Variants in LYRM7 observed in about 807,000 individuals in gnomAD.
The protein encoded by LYRM7 is LYR motif containing 7, also known as complex III assembly factor LYRM7.
In LYRM7, 9 loss-of-function variants were observed where a neutral mutation model predicts 15.8. The ratio of observed to expected loss-of-function variants is 0.57; its 90% CI spans 0.34 to 0.99. The LOEUF (loss-of-function observed/expected upper bound fraction) is 0.99, where lower values mean the gene tolerates loss of function less well. LYRM7 is among the 50% of genes least tolerant of loss of function. LYRM7 has a pLI of 0.02. For missense variants in LYRM7, 115 were observed against 119.1 expected (o/e 0.97, Z 0.16); for synonymous variants, 39 against 39.4 (o/e 0.99, Z 0.04).
At chr5:131,191,615 C>T (rs1158384879) in intron 4 of LYRM7, among the ~76,000 whole-genome samples, 1 of 151,906 alleles carries the variant, frequency 6.6e-6, no homozygotes, top group Non-Finnish European at 1.5e-5. Context: ...TAAAAGGAGA[C>T]ACACAAATGG....
In LYRM7 at chr5:131,182,265, A is replaced by G; in HGVS notation, c.128A>G (p.Asn43Ser). The change falls in exon 3 of 5, where the codon AAT becomes AGT. Residue 43 changes from asparagine (N) to serine (S), a missense_variant. Asn to Ser is a conservative substitution (Grantham distance 46). Transcript: ENST00000379380. ...AAGATAAATGAAGAATTCAAAAATA[A>G]TAAAAGTGAAACTTCTTCTAAGAAA... is the stretch of plus-strand genomic sequence containing the variant. The part of the protein sequence containing the change: ...RIKINEEFKN[N>S]KSETSSKKIE... 1 of 1,436,786 alleles carries G rather than the reference A, an allele frequency of 7.0e-7. No individual in the cohort carries two copies. Among genetic ancestry groups the G allele is most frequent in the Middle Eastern group, 1.8e-4 (1 of 5,456 alleles). The allele number at this position is 1,436,786 out of a possible 1,614,324, so 89.0% of individuals were successfully genotyped here. A position where few individuals can be genotyped will look rare whatever the true frequency, so the allele number is the denominator to read the frequency against.
At chr5:131,187,570 C>T (rs1459624792) in intron 4 of LYRM7, among the ~76,000 whole-genome samples, 2 of 151,816 alleles carry the variant, frequency 1.3e-5, no homozygotes, top group Non-Finnish European at 2.9e-5. Context: ...CTGCAACCTC[C>T]ACCTCCTGGG....
At chr5:131,194,171 A>G (rs992853919) in intron 4 of LYRM7, among the ~76,000 whole-genome samples, 3 of 152,228 alleles carry the variant, frequency 2.0e-5, no homozygotes, top group African/African-American at 7.2e-5. Flanking sequence ...AGTACTCAGT[A>G]TCTAATGTGG....
intron 2 of LYRM7, among the ~76,000 whole-genome samples, chr5:131,181,355 ATATAT>A: frequency 2.2e-5 from 1 of 45,314 alleles, no homozygotes; most frequent in African/African-American, 9.1e-5. Flanking sequence ...TATGTTATAT[ATATAT>A]TAACATATAT....
At chr5:131,182,909 C>T (rs889949423) in intron 3 of LYRM7, among the ~76,000 whole-genome samples, 1 of 151,964 alleles carries the variant, frequency 6.6e-6, no homozygotes, top group Non-Finnish European at 1.5e-5. Flanking sequence ...CCTCAGCTTC[C>T]TATGTCTAAC....
chr5:131,198,715 C>A (rs981606472), intron 4 of LYRM7, among the ~76,000 whole-genome samples: 1 of 151,426 alleles, frequency 6.6e-6, no homozygotes, highest in East Asian at 1.9e-4. Context: ...TACAGGCATG[C>A]ACCACCACAC....
intron 4 of LYRM7, among the ~76,000 whole-genome samples, chr5:131,189,672 G>T (rs1437274895): frequency 2.0e-5 from 3 of 151,968 alleles, no homozygotes; most frequent in African/African-American, 7.3e-5. Context: ...CTATATATGT[G>T]TGCATCTGTT....
At position 131,174,705 on chromosome 5, in the gene LYRM7, T is replaced by C. The variant is rs555596362; in HGVS notation, c.18+3667T>C. ...ACAAAAAGTACAAAAATTAGCTCAA[T>C]GTGTGGCATGCGCCTGTGCTCCCAG... On this transcript the variant is annotated intron_variant, in intron 1 of 4. Coordinates refer to ENST00000379380, the MANE Select transcript of LYRM7 (RefSeq NM_181705.4). 3.3e-5 allele frequency among the ~76,000 whole-genome samples: 5 copies of C among 152,052 alleles called. No individual in the cohort carries two copies. The East Asian group carries it at 9.7e-4, about 29-fold the overall frequency.
intron 1 of LYRM7, chr5:131,171,578 C>T (rs1401650938): frequency 6.6e-6 from 1 of 152,286 alleles, no homozygotes; most frequent in Non-Finnish European, 1.5e-5. Flanking sequence ...GATGGCTGTG[C>T]TCGGATTATA....
chr5:131,181,062 A>G, intron 2 of LYRM7, among the ~76,000 whole-genome samples: 1 of 151,056 alleles, frequency 6.6e-6, no homozygotes, highest in Non-Finnish European at 1.5e-5. Context: ...AGGCAGAGGC[A>G]GGCAAATTAC....
At chr5:131,174,570 A>G (rs1384595974) in intron 1 of LYRM7, among the ~76,000 whole-genome samples, 1 of 152,142 alleles carries the variant, frequency 6.6e-6, no homozygotes, top group African/African-American at 2.4e-5. Flanking sequence ...AATAAGACTT[A>G]GAAGTCTGGC....
At chr5:131,183,823 A>G (rs1755749718) in intron 3 of LYRM7, among the ~76,000 whole-genome samples, 1 of 152,134 alleles carries the variant, frequency 6.6e-6, no homozygotes, top group East Asian at 1.9e-4. Context: ...AGAAATGTAA[A>G]CTGAGAATTT....
At chr5:131,180,382 CA>C (rs60823900) in intron 2 of LYRM7, among the ~76,000 whole-genome samples, 4 of 149,408 alleles carry the variant, frequency 2.7e-5, no homozygotes, top group South Asian at 2.1e-4. Context: ...AAGAGTTGGT[CA>C]AAAAAAAAGG....
chr5:131,172,619 T>C (rs950604978), intron 1 of LYRM7, among the ~76,000 whole-genome samples: 1 of 152,122 alleles, frequency 6.6e-6, no homozygotes, highest in African/African-American at 2.4e-5. Flanking sequence ...GAGCCTACAA[T>C]ATATAGAAGG....
At chr5:131,193,619 C>G (rs1316948273) in intron 4 of LYRM7, among the ~76,000 whole-genome samples, 2 of 152,172 alleles carry the variant, frequency 1.3e-5, no homozygotes, top group African/African-American at 4.8e-5. Flanking sequence ...GATTGTCACA[C>G]TATTATAAAC....
intron 4 of LYRM7, among the ~76,000 whole-genome samples, chr5:131,191,497 C>T (rs1319057389): frequency 1.3e-5 from 2 of 152,096 alleles, no homozygotes; most frequent in Non-Finnish European, 2.9e-5. Context: ...TTCTTCCATT[C>T]AAATAATATC....
rs774991890 is a variant in LYRM7, at chr5:131,171,002, G to T, written c.-19G>T. On this transcript the variant is annotated 5_prime_UTR_variant, in exon 1 of 5. Transcript: ENST00000379380. ...GCTACTCGACTGCTCTGGAGGTAGC[G>T]GCCGCGGTGAGGAGAGCCATGGGAC... The T allele has an allele frequency of 3.2e-6, 5 of 1,544,842 alleles. No homozygotes were observed. Among genetic ancestry groups the T allele is most frequent in the Admixed American group, 2.1e-5 (1 of 46,726 alleles).
At chr5:131,193,253 C>T (rs1418581468) in intron 4 of LYRM7, among the ~76,000 whole-genome samples, 1 of 152,154 alleles carries the variant, frequency 6.6e-6, no homozygotes, top group Non-Finnish European at 1.5e-5. Flanking sequence ...AACATTGAAT[C>T]GCTGTTATGC....
In LYRM7 at chr5:131,199,386, A is replaced by C. The variant is rs1426441414; in HGVS notation, c.245-145A>C. 7.5e-6 allele frequency: 4 copies of C among 532,460 alleles called. No homozygotes were observed. In the African/African-American group the frequency reaches 7.7e-5, roughly 10 times the overall value. 33.0% of individuals were successfully genotyped at this position (532,460 alleles called of 1,614,324 possible). On this transcript the variant is annotated intron_variant, in intron 4 of 4. Coordinates refer to ENST00000379380, the MANE Select transcript of LYRM7 (RefSeq NM_181705.4). The stretch of plus-strand genomic sequence containing the variant: ...ATTAGAGTCAAGGATGCCACCTTAG[A>C]TATCAACTGAAATAAAATATCCCTG...
Sources: allele counts gnomAD v4.1 joint callset (sites outside exome capture counted in the v4.1 genomes callset), GRCh38; gene constraint gnomAD v4.1.1; transcripts MANE v1.5; gene names NCBI Gene and HGNC (gene_info 2026-07-23, HGNC 2026-07-21).